Variants in ZNF624 observed in about 807,000 individuals in gnomAD.
ZNF624 encodes the protein zinc finger protein 624.
Under a neutral mutation model 74.7 loss-of-function variants are expected in ZNF624, and 43 were observed. That is an observed-to-expected ratio of 0.58 (90% CI 0.45 to 0.74). The LOEUF is 0.74. ZNF624 is among the 30% of genes least tolerant of loss of function. The pLI is 0.00. For synonymous variants in ZNF624, 331 were observed against 341.3 expected, an observed-to-expected ratio of 0.97 and a Z score of 0.33; for missense variants, 820 against 1,030.0, an observed-to-expected ratio of 0.80 and a Z score of 2.79.
At chr17:16,628,300 A>G (rs926365598) in intron 5 of ZNF624, among the ~76,000 whole-genome samples, 2 of 152,178 alleles carry the variant, frequency 1.3e-5, no homozygotes, top group African/African-American at 4.8e-5. Context: ...ACAAAAATCA[A>G]AAGTCACATG....
At chr17:16,617,287 C>T (rs1026787818), downstream of ZNF624, 11 of 1,613,608 alleles carry the variant, frequency 6.8e-6, no homozygotes, top group East Asian at 8.9e-5. Context: ...TCTTCTAGAT[C>T]GAGACCTGGA....
chr17:16,652,935 T>C (rs1341478984), intron 1 of ZNF624, among the ~76,000 whole-genome samples: 2 of 152,232 alleles, frequency 1.3e-5, no homozygotes, highest in African/African-American at 4.8e-5. Flanking sequence ...ACTGTCCCCT[T>C]TGTCATTATG....
At chr17:16,616,808 G>T, downstream of ZNF624, 1 of 923,178 alleles carries the variant, frequency 1.1e-6, no homozygotes, top group Non-Finnish European at 1.6e-6. Flanking sequence ...AAGCAGGAAA[G>T]TGTTCCATAA....
chr17:16,636,973 G>A (rs1303621301), intron 3 of ZNF624, among the ~76,000 whole-genome samples: 1 of 152,170 alleles, frequency 6.6e-6, no homozygotes, highest in Non-Finnish European at 1.5e-5. Flanking sequence ...ATCAATAAAT[G>A]TAATCCAGCA....
intron 5 of ZNF624, among the ~76,000 whole-genome samples, chr17:16,632,814 T>C (rs1269828709): frequency 1.3e-5 from 2 of 152,216 alleles, no homozygotes; most frequent in African/African-American, 4.8e-5. Flanking sequence ...GCTTTGGAAC[T>C]CACTTAGATC....
At chr17:16,619,538 C>T (rs1379156543), downstream of ZNF624, among the ~76,000 whole-genome samples, 3 of 152,198 alleles carry the variant, frequency 2.0e-5, no homozygotes, top group Admixed American at 6.5e-5. Context: ...TGAACAGGTA[C>T]TTCCCAAAGA....
intron 3 of ZNF624, among the ~76,000 whole-genome samples, chr17:16,644,381 A>T (rs1306179407): frequency 6.6e-6 from 1 of 152,188 alleles, no homozygotes; most frequent in African/African-American, 2.4e-5. Context: ...CTATAACTAA[A>T]GTTTTATTTT....
chr17:16,616,933 G>A (rs1050199716), downstream of ZNF624: 3 of 1,553,760 alleles, frequency 1.9e-6, no homozygotes, highest in Admixed American at 5.4e-5. Context: ...TTTTGGTGGA[G>A]GGGACACAGA....
chr17:16,645,844 C>T (rs537950340), intron 3 of ZNF624, among the ~76,000 whole-genome samples: 4 of 141,604 alleles, frequency 2.8e-5, no homozygotes, highest in Admixed American at 2.2e-4. Context: ...CCCGGCTACT[C>T]GGGAGGCTGA....
chr17:16,633,331 G>T (rs1909248106), intron 5 of ZNF624, among the ~76,000 whole-genome samples: 1 of 152,294 alleles, frequency 6.6e-6, no homozygotes, highest in Admixed American at 6.5e-5. Flanking sequence ...ACTATATTTT[G>T]ATTCTCAACT....
intron 3 of ZNF624, among the ~76,000 whole-genome samples, chr17:16,636,938 G>A (rs186515320): frequency 8.7e-4 from 132 of 152,228 alleles, no homozygotes; most frequent in African/African-American, 3.0e-3. Flanking sequence ...AATGTTTCCA[G>A]TTTTTGCTGG....
intron 5 of ZNF624, among the ~76,000 whole-genome samples, chr17:16,625,343 G>T (rs139304899): frequency 2.0e-5 from 3 of 151,992 alleles, no homozygotes; most frequent in African/African-American, 7.3e-5. Context: ...CACCACGCCC[G>T]GCTCATTTTT....
At chr17:16,634,528 C>A in intron 4 of ZNF624, 102 bp downstream of exon 4, 2 of 1,337,048 alleles carry the variant, frequency 1.5e-6, no homozygotes, top group South Asian at 3.1e-5. Context: ...CAATGTGCCC[C>A]TAAAATCAAG....
At position 16,633,937 on chromosome 17, in the gene ZNF624, C is replaced by CT. The variant is rs1569044281; in HGVS notation, c.300dup (p.Asp101ArgfsTer26). On this transcript the variant is annotated frameshift_variant, in exon 5 of 6. Transcript: ENST00000311331. LOFTEE classifies it high-confidence loss of function. Reference sequence around the variant, plus strand: ...CCATTCTCCAAATGAGATATCATGTCTGGTTTGGAAACTGCAAGCCCTGTC... The same window carrying CT: ...CCATTCTCCAAATGAGATATCATGTCTTGGTTTGGAAACTGCAAGCCCTGTC... The CT allele has an allele frequency of 6.2e-7, 1 of 1,613,422 alleles. No individual in the cohort carries two copies. The highest frequency in any genetic ancestry group is 1.7e-5 in the Admixed American group (1 of 60,002).
chr17:16,624,369 C>A lies in ZNF624; in HGVS notation c.517G>T (p.Asp173Tyr), dbSNP rs751341218. 1 of 1,614,000 alleles carries A rather than the reference C, an allele frequency of 6.2e-7. No homozygotes were observed. The highest frequency in any genetic ancestry group is 8.5e-7 in the Non-Finnish European group (1 of 1,180,000). ...SRMEGLWKWN[D>Y]RILRLQNNQE... ...TTATTTTGTAATCTCAATATCCTAT[C>A]ATTCCATTTCCATAACCCTTCCATT... The change falls in exon 6 of 6, where the codon GAT becomes TAT. Residue 173 changes from aspartate to tyrosine, a missense_variant. Coordinates refer to ENST00000311331, the MANE Select transcript of ZNF624 (RefSeq NM_020787.4).
chr17:16,627,431 A>G (rs1909099555), intron 5 of ZNF624, among the ~76,000 whole-genome samples: 1 of 152,216 alleles, frequency 6.6e-6, no homozygotes, highest in Non-Finnish European at 1.5e-5. Flanking sequence ...GACCAACTTT[A>G]TTGCTGAGAA....
chr17:16,633,844 T>C lies in ZNF624; in HGVS notation c.376+18A>G, dbSNP rs1272259060. 1 of 1,582,262 alleles carries C rather than the reference T, an allele frequency of 6.3e-7. No individual in the cohort carries two copies. The highest frequency in any genetic ancestry group is 1.3e-5 in the African/African-American group (1 of 74,330). ...TTACTTCAAATAAATCCCATCTTCT[T>C]GGTTCTGTTTAACTCACCAGGATAG... On this transcript the variant is annotated intron_variant, in intron 5 of 5. Coordinates refer to ENST00000311331, the MANE Select transcript of ZNF624 (RefSeq NM_020787.4).
intron 5 of ZNF624, among the ~76,000 whole-genome samples, chr17:16,625,750 T>C (rs1477621443): frequency 1.3e-5 from 2 of 152,122 alleles, no homozygotes; most frequent in African/African-American, 2.4e-5. Context: ...TTTCTGACAG[T>C]TTGTCAAAAA....
At chr17:16,632,230 G>A (rs1909223975) in intron 5 of ZNF624, among the ~76,000 whole-genome samples, 1 of 152,124 alleles carries the variant, frequency 6.6e-6, no homozygotes, top group African/African-American at 2.4e-5. Flanking sequence ...CAACACAGGA[G>A]GTGACCTCTG....
Sources: gnomAD v4.1 joint callset for allele counts (sites outside exome capture counted in the v4.1 genomes callset) on GRCh38, gnomAD v4.1.1 for gene constraint, MANE v1.5 for transcripts, NCBI Gene and HGNC (gene_info 2026-07-23, HGNC 2026-07-21) for gene names.